The following LSAMP variants were observed in gnomAD, a reference collection of about 807,000 sequenced individuals.
The protein encoded by LSAMP is limbic system associated membrane protein.
LSAMP carries 7 observed loss-of-function variants against 38.6 expected under a neutral mutation model. The ratio of observed to expected loss-of-function variants is 0.18; its 90% CI spans 0.10 to 0.34. The LOEUF is 0.34. LSAMP is among the 10% of genes least tolerant of loss of function. The pLI is 1.00. For synonymous variants in LSAMP, 154 were observed against 166.8 expected (o/e 0.92, Z 0.59); for missense variants, 313 against 420.0 (o/e 0.75, Z 2.23).
At chr3:116,053,930 C>T (rs533294487) in intron 2 of LSAMP, among the ~76,000 whole-genome samples, 13 of 152,182 alleles carry the variant, frequency 8.5e-5, no homozygotes, top group Admixed American at 2.6e-4. Flanking sequence ...TTTTTAAATA[C>T]CATATTACTT....
intron 1 of LSAMP, among the ~76,000 whole-genome samples, chr3:116,383,003 A>G (rs1425266994): frequency 2.0e-5 from 3 of 152,160 alleles, no homozygotes; most frequent in Non-Finnish European, 4.4e-5. Context: ...TACTTTAGCT[A>G]TTATCTGCCC....
At chr3:115,839,647 C>A (rs2107500230) in intron 6 of LSAMP, among the ~76,000 whole-genome samples, 1 of 152,266 alleles carries the variant, frequency 6.6e-6, no homozygotes, top group East Asian at 1.9e-4. Context: ...TCCTAACTTT[C>A]CCATAAAAGT....
chr3:116,149,466 T>G (rs1245296010), intron 1 of LSAMP, among the ~76,000 whole-genome samples: 1 of 152,016 alleles, frequency 6.6e-6, no homozygotes, highest in Non-Finnish European at 1.5e-5. Flanking sequence ...AGATAATCCC[T>G]TTCACTCCTG....
At chr3:115,823,894 G>A (rs1206733384) in intron 6 of LSAMP, among the ~76,000 whole-genome samples, 1 of 152,192 alleles carries the variant, frequency 6.6e-6, no homozygotes, top group Non-Finnish European at 1.5e-5. Context: ...GAGGCTTGAT[G>A]TACTGGGTAT....
intron 1 of LSAMP, among the ~76,000 whole-genome samples, chr3:116,095,645 G>A (rs1708210929): frequency 6.6e-6 from 1 of 152,186 alleles, no homozygotes; most frequent in Non-Finnish European, 1.5e-5. Flanking sequence ...TCTAAAAAGA[G>A]ATAAGTATTG....
At chr3:115,995,161 A>G (rs1408620787) in intron 3 of LSAMP, among the ~76,000 whole-genome samples, 1 of 152,108 alleles carries the variant, frequency 6.6e-6, no homozygotes, top group African/African-American at 2.4e-5. Flanking sequence ...CAAAACAAGG[A>G]AAGAAGCCTG....
chr3:115,831,489 G>T (rs928659969), intron 6 of LSAMP, among the ~76,000 whole-genome samples: 1 of 152,010 alleles, frequency 6.6e-6, no homozygotes, highest in African/African-American at 2.4e-5. Flanking sequence ...CTGAACCTAC[G>T]GTCCTCAATG....
intron 1 of LSAMP, among the ~76,000 whole-genome samples, chr3:116,316,664 A>G (rs1835673): frequency 0.99 from 149,792 of 151,678 alleles, 74,006 homozygotes; most frequent in Middle Eastern, 1. Flanking sequence ...CCAGCTACTC[A>G]GGAGGCTGAA....
In LSAMP at chr3:116,274,687, G is replaced by A. The variant is rs545362295; in HGVS notation, c.155+170190C>T. Among the ~76,000 whole-genome samples the A allele has an allele frequency of 1.1e-3, 174 of 151,788 alleles. 2 individuals are homozygous for A. The highest frequency in any genetic ancestry group is 7.4e-5 in the Non-Finnish European group (5 of 67,924). ...TTTGTCACTGGATTTGGTAAATAAG[G>A]TGTTTTACTTCCTTGGCTTTTTTTT... is the stretch of plus-strand genomic sequence containing the variant. On this transcript the variant is annotated intron_variant, in intron 1 of 6. Transcript: ENST00000490035.
intron 1 of LSAMP, among the ~76,000 whole-genome samples, chr3:116,434,670 G>A (rs1166564014): frequency 1.3e-5 from 2 of 151,900 alleles, no homozygotes; most frequent in South Asian, 2.1e-4. Flanking sequence ...CTCCTGCCTC[G>A]GCCTCTGAGT....
intron 2 of LSAMP, among the ~76,000 whole-genome samples, chr3:116,032,247 T>C (rs1940943844): frequency 1.3e-5 from 2 of 152,204 alleles, no homozygotes; most frequent in African/African-American, 4.8e-5. Flanking sequence ...TTAATAATAA[T>C]ATCTAAGGTA....
intron 3 of LSAMP, among the ~76,000 whole-genome samples, chr3:115,967,880 G>A (rs1267709574): frequency 1.3e-5 from 2 of 152,064 alleles, no homozygotes; most frequent in South Asian, 2.1e-4. Flanking sequence ...TGGGAATTAT[G>A]GGAGCTACAA....
intron 5 of LSAMP, 107 bp from the exon 6 acceptor site, chr3:115,842,100 C>A: frequency 8.3e-7 from 1 of 1,199,886 alleles, no homozygotes; most frequent in South Asian, 1.5e-5. Flanking sequence ...AAGGAAGTAG[C>A]TAGAGTTTGT....
At chr3:116,290,779 A>G (rs895103783) in intron 1 of LSAMP, among the ~76,000 whole-genome samples, 3 of 146,910 alleles carry the variant, frequency 2.0e-5, no homozygotes, top group African/African-American at 7.4e-5. Flanking sequence ...ATAATAAAAT[A>G]AACTTTCCTA....
At chr3:115,977,675 A>C (rs2107621289) in intron 3 of LSAMP, among the ~76,000 whole-genome samples, 1 of 151,454 alleles carries the variant, frequency 6.6e-6, no homozygotes, top group South Asian at 2.1e-4. Flanking sequence ...TTATTGTCCA[A>C]GCTGGGTATA....
intron 1 of LSAMP, among the ~76,000 whole-genome samples, chr3:116,159,252 A>G (rs1407955377): frequency 2.0e-5 from 3 of 152,232 alleles, no homozygotes; most frequent in Non-Finnish European, 4.4e-5. Flanking sequence ...AAAAATTGAC[A>G]AATGGGACCT....
intron 3 of LSAMP, among the ~76,000 whole-genome samples, chr3:115,885,196 T>C (rs561347712): frequency 1.3e-5 from 2 of 151,974 alleles, no homozygotes; most frequent in Non-Finnish European, 2.9e-5. Flanking sequence ...GCTGGTGTTC[T>C]GGGTGGGAAA....
At chr3:116,324,428 T>A (rs1031241082) in intron 1 of LSAMP, among the ~76,000 whole-genome samples, 1 of 152,166 alleles carries the variant, frequency 6.6e-6, no homozygotes, top group African/African-American at 2.4e-5. Context: ...TAATTGAGGA[T>A]CTACTTCTGA....
At chr3:116,239,173 C>G (rs1353164124) in intron 1 of LSAMP, among the ~76,000 whole-genome samples, 5 of 152,088 alleles carry the variant, frequency 3.3e-5, no homozygotes, top group Admixed American at 6.5e-5. Flanking sequence ...CACCACAGGG[C>G]TATGAAATGT....
Sources: allele counts gnomAD v4.1 joint callset (sites outside exome capture counted in the v4.1 genomes callset), GRCh38; gene constraint gnomAD v4.1.1; transcripts MANE v1.5; gene names NCBI Gene and HGNC (gene_info 2026-07-23, HGNC 2026-07-21).